Variants in TEAD1 observed in about 807,000 individuals in gnomAD.
TEAD1 encodes TEA domain transcription factor 1.
Under a neutral mutation model 54.9 loss-of-function variants are expected in TEAD1, and 9 were observed. The observed-to-expected ratio is 0.16, with a 90% CI of 0.10 to 0.29. The LOEUF is 0.29. TEAD1 is among the 10% of genes least tolerant of loss of function. The probability of loss-of-function intolerance (pLI) is 1.00; values close to 1 mark genes in which losing one functional copy is unlikely to be tolerated. For missense variants in TEAD1, 387 were observed against 535.9 expected (o/e 0.72, Z 2.74); for synonymous variants, 200 against 187.8 (o/e 1.07, Z -0.53).
At chr11:12,826,145 T>C (rs1408050352) in intron 3 of TEAD1, among the ~76,000 whole-genome samples, 1 of 152,236 alleles carries the variant, frequency 6.6e-6, no homozygotes, top group Non-Finnish European at 1.5e-5. Context: ...AAGCACAGCA[T>C]GTCAAATTAC....
At chr11:12,699,316 T>TC (rs1784148517) in intron 2 of TEAD1, among the ~76,000 whole-genome samples, 1 of 152,222 alleles carries the variant, frequency 6.6e-6, no homozygotes, top group Admixed American at 6.5e-5. Flanking sequence ...GATTTTTTTT[T>TC]CCCTAGCTTT....
At chr11:12,694,522 A>C (rs1477631959) in intron 2 of TEAD1, among the ~76,000 whole-genome samples, 1 of 152,092 alleles carries the variant, frequency 6.6e-6, no homozygotes, top group East Asian at 1.9e-4. Context: ...GTTGTCTCCC[A>C]ATGTTGGGTC....
At position 12,776,169 on chromosome 11, in the gene TEAD1, C is replaced by T. The variant is rs537974125; in HGVS notation, c.202+11735C>T. ...TATTATAGGTTTTAGGACATTGGTCCGGGACTTCAACAGGTGCCCTGGCCA... is the reference window on the plus strand; with the variant it reads ...TATTATAGGTTTTAGGACATTGGTCTGGGACTTCAACAGGTGCCCTGGCCA... On this transcript the variant is annotated intron_variant, in intron 3 of 12. Coordinates refer to ENST00000527636, the MANE Select transcript of TEAD1 (RefSeq NM_021961.6). 1.1e-4 allele frequency among the ~76,000 whole-genome samples: 16 copies of T among 152,224 alleles called. No homozygotes were observed. The South Asian group carries it at 3.1e-3, about 30-fold the overall frequency.
At chr11:12,827,034 C>G (rs927991319) in intron 3 of TEAD1, among the ~76,000 whole-genome samples, 2 of 152,194 alleles carry the variant, frequency 1.3e-5, no homozygotes, top group African/African-American at 4.8e-5. Flanking sequence ...AAGAATACCT[C>G]TGGGTGCTGG....
At position 12,904,851 on chromosome 11, in the gene TEAD1, G is replaced by T. The variant is rs777733576; in HGVS notation, c.873+2738G>T. 1.6e-4 allele frequency: 56 copies of T among 360,828 alleles called. 1 individual carries two copies. The Middle Eastern group carries it at 5.0e-3, about 32-fold the overall frequency. 22.4% of individuals were successfully genotyped at this position (360,828 alleles called of 1,614,324 possible). A position where few individuals can be genotyped will look rare whatever the true frequency, so the allele number is the denominator to read the frequency against. ...CAGTATCGTACATGATCACCAAACT[G>T]CTGCTAGAATGCTCACACCTGTTAC... On this transcript the variant is annotated intron_variant, in intron 10 of 12. Coordinates refer to ENST00000527636, the MANE Select transcript of TEAD1 (RefSeq NM_021961.6).
At chr11:12,688,967 G>T (rs1203658040) in intron 2 of TEAD1, among the ~76,000 whole-genome samples, 1 of 150,328 alleles carries the variant, frequency 6.7e-6, no homozygotes, top group Non-Finnish European at 1.5e-5. Flanking sequence ...TTTAAGCTTT[G>T]CCCCAGCTTC....
intron 2 of TEAD1, among the ~76,000 whole-genome samples, chr11:12,723,285 C>A (rs1944249776): frequency 6.6e-6 from 1 of 152,102 alleles, no homozygotes; most frequent in Admixed American, 6.5e-5. Context: ...TGGATTATGA[C>A]AAGGTTGAGT....
intron 2 of TEAD1, among the ~76,000 whole-genome samples, chr11:12,730,661 GGAGGCT>G (rs1332713577): frequency 6.7e-6 from 1 of 149,524 alleles, no homozygotes; most frequent in African/African-American, 2.5e-5. Flanking sequence ...ATGACTTTAT[GGAGGCT>G]TGCCTACAGT....
At chr11:12,715,416 C>T (rs985007746) in intron 2 of TEAD1, among the ~76,000 whole-genome samples, 4 of 152,048 alleles carry the variant, frequency 2.6e-5, no homozygotes, top group African/African-American at 7.2e-5. Context: ...GTATGGGTCT[C>T]GGGTGATGGC....
At chr11:12,776,885 C>G (rs1185301446) in intron 3 of TEAD1, among the ~76,000 whole-genome samples, 2 of 151,810 alleles carry the variant, frequency 1.3e-5, no homozygotes, top group Admixed American at 1.3e-4. Flanking sequence ...ACCTCCACCT[C>G]CCGGGTTCAA....
At chr11:12,823,942 A>C (rs985643145) in intron 3 of TEAD1, among the ~76,000 whole-genome samples, 1 of 152,136 alleles carries the variant, frequency 6.6e-6, no homozygotes, top group Admixed American at 6.5e-5. Flanking sequence ...CACCTACCCT[A>C]CCCCAGGGAG....
In TEAD1 at chr11:12,877,107, G is replaced by A. The variant is rs186717121; in HGVS notation, c.331-2601G>A. Among the ~76,000 whole-genome samples the A allele has an allele frequency of 1.2e-3, 188 of 152,290 alleles. 1 individual carries two copies. The highest frequency in any genetic ancestry group is 2.4e-3 in the Non-Finnish European group (164 of 68,026). On this transcript the variant is annotated intron_variant, in intron 5 of 12. Transcript: ENST00000527636. ...TTAGGTTAGAACATTTGACAGATTA[G>A]CAAATGGAGCCCCAAGTCGAAGAAC...
chr11:12,839,983 C>T (rs1219533537), intron 3 of TEAD1, among the ~76,000 whole-genome samples: 1 of 151,974 alleles, frequency 6.6e-6, no homozygotes, highest in East Asian at 1.9e-4. Context: ...CGCGGTGGTT[C>T]ACGCCTGTAA....
chr11:12,726,547 A>G (rs1280267773), intron 2 of TEAD1, among the ~76,000 whole-genome samples: 1 of 117,220 alleles, frequency 8.5e-6, no homozygotes, highest in Admixed American at 7.9e-5. Flanking sequence ...AAGACTTAGT[A>G]TGGGGGGAAA....
intron 3 of TEAD1, among the ~76,000 whole-genome samples, chr11:12,840,515 T>C (rs1452131720): frequency 6.6e-6 from 1 of 152,176 alleles, no homozygotes; most frequent in Non-Finnish European, 1.5e-5. Context: ...GTAATAGTCT[T>C]TCACTTAACT....
rs369413283 is a variant in TEAD1, at chr11:12,855,974, G to A, written c.203-6276G>A. Among the ~76,000 whole-genome samples, 101 of 151,736 alleles carry A rather than the reference G, an allele frequency of 6.7e-4. 1 individual carries two copies. Among genetic ancestry groups the A allele is most frequent in the African/African-American group, 2.3e-3 (96 of 41,406 alleles). ...AAAAAAAAAAAAAAGGAGTGGTGGG[G>A]GCATATGACTAGAAGGCAGTTTAGC... On this transcript the variant is annotated intron_variant, in intron 3 of 12. Coordinates refer to ENST00000527636, the MANE Select transcript of TEAD1 (RefSeq NM_021961.6).
chr11:12,756,065 G>A (rs1386992903), intron 2 of TEAD1, among the ~76,000 whole-genome samples: 2 of 152,182 alleles, frequency 1.3e-5, no homozygotes, highest in South Asian at 2.1e-4. Flanking sequence ...ACTTAGGGCT[G>A]ATGGAGCGGA....
At chr11:12,797,526 G>T (rs1054895253) in intron 3 of TEAD1, among the ~76,000 whole-genome samples, 1 of 150,132 alleles carries the variant, frequency 6.7e-6, no homozygotes, top group Admixed American at 6.6e-5. Flanking sequence ...CCTTGGTACA[G>T]CCCTTAAGTC....
rs71037087 is a variant in TEAD1, at chr11:12,776,757, TTTATTATTATTA to T, written c.202+12355_202+12366del. Among the ~76,000 whole-genome samples the T allele has an allele frequency of 1.6e-3, 223 of 137,720 alleles. 1 individual carries two copies. Among genetic ancestry groups the T allele is most frequent in the South Asian group, 6.1e-3 (26 of 4,230 alleles). 90.3% of individuals were successfully genotyped at this position (137,720 alleles called of 152,430 possible). A position where few individuals can be genotyped will look rare whatever the true frequency, so the allele number is the denominator to read the frequency against. Reference sequence around the variant, plus strand: ...TTGTTCTTCAAAGCCCATTTGGATATTTATTATTATTATTATTATTATTATTATTATTATTAT... The same window carrying T: ...TTGTTCTTCAAAGCCCATTTGGATATTTATTATTATTATTATTATTATTAT... On this transcript the variant is annotated intron_variant, in intron 3 of 12. Coordinates refer to ENST00000527636, the MANE Select transcript of TEAD1 (RefSeq NM_021961.6).
Sources: allele counts gnomAD v4.1 joint callset (sites outside exome capture counted in the v4.1 genomes callset), GRCh38; gene constraint gnomAD v4.1.1; transcripts MANE v1.5; gene names NCBI Gene and HGNC (gene_info 2026-07-23, HGNC 2026-07-21).